SLC41A2: variants seen among roughly 807,000 people sequenced by gnomAD.
SLC41A2 encodes the protein SLC41A1-like 1.
SLC41A2 carries 32 observed loss-of-function variants against 58.3 expected under a neutral mutation model. The ratio of observed to expected loss-of-function variants is 0.55; its 90% CI spans 0.41 to 0.74. The LOEUF (loss-of-function observed/expected upper bound fraction) is 0.74. SLC41A2 is among the 30% of genes least tolerant of loss of function. The probability of loss-of-function intolerance (pLI) is 0.00; values close to 1 mark genes in which losing one functional copy is unlikely to be tolerated. For synonymous variants in SLC41A2, 190 were observed against 235.0 expected, an observed-to-expected ratio of 0.81 and a Z score of 1.75; for missense variants, 514 against 680.6, an observed-to-expected ratio of 0.76 and a Z score of 2.72.
At chr12:104,905,252 A>G (rs942261091) in intron 3 of SLC41A2, among the ~76,000 whole-genome samples, 2 of 151,092 alleles carry the variant, frequency 1.3e-5, no homozygotes, top group African/African-American at 4.9e-5. Context: ...CAGAATGCCA[A>G]TTGGTGTATT....
intron 8 of SLC41A2, among the ~76,000 whole-genome samples, chr12:104,853,383 T>C (rs2042870476): frequency 6.6e-6 from 1 of 152,192 alleles, no homozygotes; most frequent in African/African-American, 2.4e-5. Context: ...TCTCCATCTC[T>C]ATGTACCTCT....
intron 2 of SLC41A2, among the ~76,000 whole-genome samples, chr12:104,911,003 A>G (rs1024803005): frequency 6.6e-6 from 1 of 152,200 alleles, no homozygotes; most frequent in Non-Finnish European, 1.5e-5. Context: ...TGGAGGCTTC[A>G]TCTGCATAGT....
intron 10 of SLC41A2, among the ~76,000 whole-genome samples, chr12:104,813,866 C>A (rs997539165): frequency 6.6e-6 from 1 of 152,120 alleles, no homozygotes; most frequent in Non-Finnish European, 1.5e-5. Context: ...GAACTCCTGA[C>A]CTCAGGTGAT....
rs2040729383 is a variant in SLC41A2, at chr12:104,802,253, T to C, written c.*2899A>G. 6.6e-6 allele frequency among the ~76,000 whole-genome samples: 1 copy of C among 152,140 alleles called. No individual in the cohort carries two copies. Among genetic ancestry groups the C allele is most frequent in the Non-Finnish European group, 1.5e-5 (1 of 68,024 alleles). ...TGTATAAATAAAGTGGCTGATAAATTAGTGAAAAGGAAGAAGTTTGGAAAG... is the reference window on the plus strand; with the variant it reads ...TGTATAAATAAAGTGGCTGATAAATCAGTGAAAAGGAAGAAGTTTGGAAAG... On this transcript the variant is annotated 3_prime_UTR_variant, in exon 11 of 11. Transcript: ENST00000258538.
chr12:104,953,941 AG>A (rs1399942231), intron 1 of SLC41A2, among the ~76,000 whole-genome samples: 1 of 152,134 alleles, frequency 6.6e-6, no homozygotes, highest in African/African-American at 2.4e-5. Flanking sequence ...ATGAAGGAAA[AG>A]GTTTCCACTT....
At chr12:104,912,690 G>A (rs1041380714) in intron 2 of SLC41A2, among the ~76,000 whole-genome samples, 22 of 152,296 alleles carry the variant, frequency 1.4e-4, no homozygotes, top group African/African-American at 3.6e-4. Context: ...AATCAAGCCC[G>A]AAGAGGAGAT....
rs1417103522 is a variant in SLC41A2, at chr12:104,909,773, AAAAAT to A, written c.556-16_556-12del. The A allele has an allele frequency of 3.9e-6, 6 of 1,540,938 alleles. No individual in the cohort carries two copies. The highest frequency in any genetic ancestry group is 1.7e-4 in the Middle Eastern group (1 of 5,828). ...GAACACCTCCCAGTGCTGTAAGAAA[AAAAAT>A]AAAATAAAATTTTCTGGCACTCTTT... On this transcript the variant is annotated splice_polypyrimidine_tract_variant and intron_variant, in intron 2 of 10. Transcript: ENST00000258538.
chr12:104,863,833 G>A (rs188247932), intron 7 of SLC41A2, among the ~76,000 whole-genome samples: 199 of 152,146 alleles, frequency 1.3e-3, no homozygotes, highest in Middle Eastern at 6.8e-3. Flanking sequence ...ATATCCTCAC[G>A]TACGCTTTTT....
At chr12:104,896,336 T>G (rs374882338) in intron 3 of SLC41A2, among the ~76,000 whole-genome samples, 77 of 152,340 alleles carry the variant, frequency 5.1e-4, no homozygotes, top group African/African-American at 1.8e-3. Context: ...AATGCAAATA[T>G]TGAGATTTCT....
At chr12:104,880,723 T>C (rs1456404221) in intron 6 of SLC41A2, among the ~76,000 whole-genome samples, 1 of 152,196 alleles carries the variant, frequency 6.6e-6, no homozygotes, top group Non-Finnish European at 1.5e-5. Context: ...TTTGCCAGTA[T>C]TTTATTGAGG....
chr12:104,885,913 G>A (rs117252731), intron 6 of SLC41A2, among the ~76,000 whole-genome samples: 2,180 of 152,146 alleles, frequency 0.014, 29 homozygotes, highest in Non-Finnish European at 0.025. Context: ...TCTATACAGA[G>A]AACACTGCAG....
chr12:104,940,934 CAA>C (rs386377636), intron 1 of SLC41A2, among the ~76,000 whole-genome samples: 11 of 95,516 alleles, frequency 1.2e-4, no homozygotes, highest in South Asian at 8.2e-4. Flanking sequence ...GACTCTGCCT[CAA>C]AAAAAAAAAA....
At chr12:104,954,125 A>AG (rs1263941990) in intron 1 of SLC41A2, among the ~76,000 whole-genome samples, 1 of 152,180 alleles carries the variant, frequency 6.6e-6, no homozygotes, top group Non-Finnish European at 1.5e-5. Context: ...TTTTAGAAGT[A>AG]GGGCAAACTT....
chr12:104,928,462 A>G lies in SLC41A2; in HGVS notation c.66T>C (p.Gly22=), dbSNP rs1182464916. ...TTAAACGTAAAGTCCAATCTACAAA[A>G]CCTCCTCCACTACTTGGACCACCAC... ...KTSGGPSSGG[G]FVDWTLRLNT... Residue 22 remains glycine (G), a synonymous_variant, in exon 2 of 11, where the codon GGT becomes GGC. Transcript: ENST00000258538. The G allele has an allele frequency of 3.9e-6, 6 of 1,547,840 alleles. No individual in the cohort carries two copies. In the South Asian group the frequency reaches 4.8e-5, roughly 12 times the overall value.
intron 3 of SLC41A2, among the ~76,000 whole-genome samples, chr12:104,902,693 CGTG>C (rs1565887542): frequency 6.6e-6 from 1 of 152,172 alleles, no homozygotes; most frequent in African/African-American, 2.4e-5. Flanking sequence ...CGGTGAAAGA[CGTG>C]GGAGAATGAG....
intron 2 of SLC41A2, among the ~76,000 whole-genome samples, chr12:104,911,852 G>A (rs2046102202): frequency 6.6e-6 from 1 of 152,126 alleles, no homozygotes; most frequent in East Asian, 1.9e-4. Context: ...CAGATTATTA[G>A]TCTTAAAAAC....
intron 10 of SLC41A2, among the ~76,000 whole-genome samples, chr12:104,810,668 A>G (rs890162517): frequency 2.6e-5 from 4 of 152,178 alleles, no homozygotes; most frequent in Non-Finnish European, 5.9e-5. Context: ...ATTCCTTGCC[A>G]CATTCTCAGG....
intron 1 of SLC41A2, among the ~76,000 whole-genome samples, chr12:104,951,291 T>A (rs1330749742): frequency 1.3e-5 from 2 of 152,184 alleles, no homozygotes; most frequent in Non-Finnish European, 2.9e-5. Flanking sequence ...TACAATGTAC[T>A]ACTTAAATTA....
Position 104,921,770 on chromosome 12 carries a change from G to A in SLC41A2, c.555+6203C>T, listed in dbSNP as rs73191788. ...AATCCGCTCATAACTCTAGTATGAA[G>A]CCTAAAACACAAATCTATCAAAAAC... On this transcript the variant is annotated intron_variant, in intron 2 of 10. Transcript: ENST00000258538. 4.7e-3 allele frequency among the ~76,000 whole-genome samples: 720 copies of A among 152,268 alleles called. 3 individuals carry two copies. Among genetic ancestry groups the A allele is most frequent in the Non-Finnish European group, 7.7e-3 (524 of 68,008 alleles).
Sources: gnomAD v4.1 joint callset for allele counts (sites outside exome capture counted in the v4.1 genomes callset) on GRCh38, gnomAD v4.1.1 for gene constraint, MANE v1.5 for transcripts, NCBI Gene and HGNC (gene_info 2026-07-23, HGNC 2026-07-21) for gene names.